The following TOPBP1 variants were observed in gnomAD, a reference collection of about 807,000 sequenced individuals.
TOPBP1 encodes DNA topoisomerase 2-binding protein 1.
TOPBP1 carries 28 observed loss-of-function variants against 167.7 expected under a neutral mutation model. The ratio of observed to expected loss-of-function variants is 0.17; its 90% CI spans 0.12 to 0.23. TOPBP1 has a LOEUF of 0.23. Ranked by LOEUF, TOPBP1 falls within the 10% of genes least tolerant of loss-of-function variation. The probability of loss-of-function intolerance (pLI) is 1.00; values close to 1 mark genes in which losing one functional copy is unlikely to be tolerated. For synonymous variants in TOPBP1, 598 were observed against 611.4 expected (o/e 0.98, Z 0.32); for missense variants, 1,554 against 1,809.6 (o/e 0.86, Z 2.56).
Position 133,602,770 on chromosome 3 carries a change from CTTTA to C in TOPBP1, c.4426-1381_4426-1378del, listed in dbSNP as rs1934349638. 2.0e-5 allele frequency among the ~76,000 whole-genome samples: 3 copies of C among 152,052 alleles called. No individual in the cohort carries two copies. The South Asian group carries it at 6.2e-4, about 31-fold the overall frequency. On this transcript the variant is annotated intron_variant, in intron 27 of 27. Transcript: ENST00000260810. ...TGAGTATGGCTGTTTTCCAACAAAC[CTTTA>C]TTTATAAAATAGGCAGTGGGCCAGG...
In TOPBP1 at chr3:133,644,086, A is replaced by G. The variant is rs773464547; in HGVS notation, c.1782T>C (p.Ala594=). 3 of 1,613,892 alleles carry G rather than the reference A, an allele frequency of 1.9e-6. No individual in the cohort carries two copies. In the South Asian group the frequency reaches 3.3e-5, roughly 18 times the overall value. Residue 594 remains alanine, a synonymous_variant, in exon 11 of 28, where the codon GCT becomes GCC. Coordinates refer to ENST00000260810, the MANE Select transcript of TOPBP1 (RefSeq NM_007027.4). The part of the protein sequence containing the change: ...SLLSRTVADY[A]VVPLLGCEVE... ...CTTCACACCCCAGCAGAGGAACCAC[A>G]GCATAATCCGCAACAGTTCTGCTCA...
At position 133,655,281 on chromosome 3, in the gene TOPBP1, C is replaced by A; in HGVS notation, c.742+9G>T. The stretch of plus-strand genomic sequence containing the variant: ...GTTTCATTTGTCCCTTTGTGAAACA[C>A]AGTTTTACCTTTTGGTTCTTGCACA... On this transcript the variant is annotated intron_variant, in intron 6 of 27. Transcript: ENST00000260810. 1 of 1,383,838 alleles carries A rather than the reference C, an allele frequency of 7.2e-7. No individual in the cohort carries two copies. The highest frequency in any genetic ancestry group is 2.1e-5 in the South Asian group (1 of 46,558). The allele number at this position is 1,383,838 out of a possible 1,614,324, so 85.7% of individuals were successfully genotyped here.
intron 23 of TOPBP1, among the ~76,000 whole-genome samples, chr3:133,615,197 CG>C (rs1173684069): frequency 1.3e-5 from 2 of 151,798 alleles, no homozygotes; most frequent in Non-Finnish European, 2.9e-5. Flanking sequence ...TGGCCAGGTG[CG>C]GTGGCTCATG....
chr3:133,629,205 A>T (rs983278013), intron 14 of TOPBP1, among the ~76,000 whole-genome samples: 6 of 152,206 alleles, frequency 3.9e-5, no homozygotes, highest in African/African-American at 1.2e-4. Flanking sequence ...CCTGTTCTAA[A>T]GCCACCAACA....
At position 133,628,415 on chromosome 3, in the gene TOPBP1, A is replaced by C. The variant is rs368582741; in HGVS notation, c.2751T>G (p.Ser917Arg). Residue 917 changes from serine to arginine, a missense_variant, in exon 16 of 28, where the codon AGT (serine) becomes AGG (arginine). Physicochemically the swap from Ser to Arg is moderately radical, Grantham distance 110 (BLOSUM62 -1). Transcript: ENST00000260810. The stretch of plus-strand genomic sequence containing the variant: ...TCCCATTTAGTTCACTCTGCTTCTT[A>C]CTGAGTTTTTTACTAACACATACCA... ...KVVVCVSKKL[S>R]KKQSELNGIA... The C allele has an allele frequency of 6.2e-7, 1 of 1,610,682 alleles. No individual in the cohort carries two copies. Among genetic ancestry groups the C allele is most frequent in the South Asian group, 1.1e-5 (1 of 90,094 alleles).
chr3:133,649,665 G>A lies in TOPBP1; in HGVS notation c.1254-32C>T, dbSNP rs765155874. On this transcript the variant is annotated intron_variant, in intron 9 of 27. Coordinates refer to ENST00000260810, the MANE Select transcript of TOPBP1 (RefSeq NM_007027.4). The stretch of plus-strand genomic sequence containing the variant: ...AAATAGCACATAGTTATGTATTAGT[G>A]CAAGCTATAAAGACCATCATCCCAC... The A allele has an allele frequency of 5.0e-5, 80 of 1,608,158 alleles. 3 individuals are homozygous for A. The South Asian group carries it at 8.5e-4, about 17-fold the overall frequency.
intron 13 of TOPBP1, 138 bp downstream of exon 13, chr3:133,639,821 G>C: frequency 1.3e-6 from 1 of 762,678 alleles, no homozygotes; most frequent in Non-Finnish European, 2.1e-6. Context: ...TGTAGACTTC[G>C]AACACTGAGA....
chr3:133,601,243 G>A lies in TOPBP1; in HGVS notation c.*7C>T, dbSNP rs780915250. 4.4e-6 allele frequency: 7 copies of A among 1,590,358 alleles called. No homozygotes were observed. The Admixed American group carries it at 1.3e-4, about 30-fold the overall frequency. On this transcript the variant is annotated 3_prime_UTR_variant, in exon 28 of 28. Transcript: ENST00000260810. ...TTTAATGTTTGGTAACTAAAGGGTA[G>A]ATGCGATTAGTGTACTCTAGGTCGT...
intron 14 of TOPBP1, among the ~76,000 whole-genome samples, chr3:133,633,114 T>C (rs1289820740): frequency 2.0e-5 from 3 of 152,196 alleles, no homozygotes; most frequent in Non-Finnish European, 2.9e-5. Flanking sequence ...CTTTTGACCC[T>C]ACTTTGCCCC....
intron 13 of TOPBP1, among the ~76,000 whole-genome samples, chr3:133,638,918 C>T (rs1429825199): frequency 6.6e-6 from 1 of 151,996 alleles, no homozygotes; most frequent in Non-Finnish European, 1.5e-5. Context: ...CAGGAAGACA[C>T]AAAATAAACA....
At chr3:133,655,589 A>G (rs1936453542) in intron 5 of TOPBP1, 103 bp from the exon 6 acceptor site, 1 of 643,364 alleles carries the variant, frequency 1.6e-6, no homozygotes, top group Non-Finnish European at 2.3e-6. Flanking sequence ...TTTAGGATTT[A>G]TAATCTTTTT....
At chr3:133,650,778 A>G (rs1237617288) in intron 8 of TOPBP1, among the ~76,000 whole-genome samples, 8 of 152,192 alleles carry the variant, frequency 5.3e-5, no homozygotes, top group South Asian at 4.1e-4. Context: ...ATTAAAAGCT[A>G]TATCTAGAAT....
At chr3:133,656,178 A>T (rs1186083341) in intron 5 of TOPBP1, among the ~76,000 whole-genome samples, 1 of 151,722 alleles carries the variant, frequency 6.6e-6, no homozygotes, top group Non-Finnish European at 1.5e-5. Context: ...CATATACCTA[A>T]TGCCTACCTC....
At position 133,650,381 on chromosome 3, in the gene TOPBP1, G is replaced by A. The variant is rs946882451; in HGVS notation, c.1090-438C>T. ...TGTGTGTGTGGGGGGCGGGGGGAGGGGTTGTTTTTTCCAGCTGCCTATGAT... is the reference window on the plus strand; with the variant it reads ...TGTGTGTGTGGGGGGCGGGGGGAGGAGTTGTTTTTTCCAGCTGCCTATGAT... On this transcript the variant is annotated intron_variant, in intron 8 of 27. Transcript: ENST00000260810. Among the ~76,000 whole-genome samples the A allele has an allele frequency of 1.6e-4, 15 of 96,548 alleles. No individual in the cohort carries two copies. The South Asian group carries it at 3.3e-3, about 21-fold the overall frequency. 63.3% of individuals were successfully genotyped at this position (96,548 alleles called of 152,430 possible). A position where few individuals can be genotyped will look rare whatever the true frequency, so the allele number is the denominator to read the frequency against.
At chr3:133,659,418 G>A (rs1047993389) in intron 2 of TOPBP1, among the ~76,000 whole-genome samples, 1 of 152,140 alleles carries the variant, frequency 6.6e-6, no homozygotes, top group Admixed American at 6.5e-5. Context: ...ACCACACCCA[G>A]AATAAAATCC....
chr3:133,632,825 T>C (rs370693983), intron 14 of TOPBP1, among the ~76,000 whole-genome samples: 2 of 152,204 alleles, frequency 1.3e-5, no homozygotes, highest in South Asian at 4.1e-4. Flanking sequence ...CAGGCTGGAG[T>C]ACAGCGGCAT....
chr3:133,644,757 TG>T (rs1391907826), intron 10 of TOPBP1, among the ~76,000 whole-genome samples: 2 of 152,196 alleles, frequency 1.3e-5, no homozygotes, highest in Non-Finnish European at 2.9e-5. Context: ...GTCCTTAACA[TG>T]GAACATGTTA....
Position 133,624,287 on chromosome 3 carries a change from C to A in TOPBP1, c.2805-112G>T, listed in dbSNP as rs895103831. On this transcript the variant is annotated intron_variant, in intron 16 of 27. Coordinates refer to ENST00000260810, the MANE Select transcript of TOPBP1 (RefSeq NM_007027.4). ...TTCTGACCTTCCCAAAACTTTCGGA[C>A]TAGAGTAAACAAGACCATTAAAATG... 5 of 1,214,718 alleles carry A rather than the reference C, an allele frequency of 4.1e-6. No individual in the cohort carries two copies. The African/African-American group carries it at 7.5e-5, about 18-fold the overall frequency. The allele number at this position is 1,214,718 out of a possible 1,614,324, so 75.2% of individuals were successfully genotyped here.
chr3:133,645,609 T>C (rs1379178717), intron 10 of TOPBP1, among the ~76,000 whole-genome samples: 1 of 152,176 alleles, frequency 6.6e-6, no homozygotes, highest in East Asian at 1.9e-4. Context: ...TCGACGTCTA[T>C]ATGTTGTTGG....
Sources: allele counts gnomAD v4.1 joint callset (sites outside exome capture counted in the v4.1 genomes callset), GRCh38; gene constraint gnomAD v4.1.1; transcripts MANE v1.5; gene names NCBI Gene and HGNC (gene_info 2026-07-23, HGNC 2026-07-21).